The following HOGA1 variants were observed in gnomAD, a reference collection of about 807,000 sequenced individuals.
HOGA1 encodes 4-hydroxy-2-oxoglutarate aldolase 1.
HOGA1 carries 30 observed loss-of-function variants against 34.3 expected under a neutral mutation model. The observed-to-expected ratio is 0.87, with a 90% CI of 0.65 to 1.19. The LOEUF (loss-of-function observed/expected upper bound fraction) is 1.19. HOGA1 is among the 50% of genes most tolerant of loss of function. The pLI is 0.00. For missense variants in HOGA1, 417 were observed against 436.5 expected (o/e 0.96, Z 0.40); for synonymous variants, 161 against 174.0 (o/e 0.93, Z 0.59).
chr10:97,597,174 T>C (rs903087733), intron 1 of HOGA1, among the ~76,000 whole-genome samples: 1 of 151,642 alleles, frequency 6.6e-6, no homozygotes, highest in African/African-American at 2.4e-5. Flanking sequence ...GGCACAATCA[T>C]AGTTCACTGC....
At chr10:97,591,685 C>T (rs1470303558) in intron 1 of HOGA1, among the ~76,000 whole-genome samples, 1 of 151,748 alleles carries the variant, frequency 6.6e-6, no homozygotes, top group African/African-American at 2.4e-5. Context: ...AGTGCAGAGG[C>T]GTGATCACGG....
At chr10:97,589,162 A>G (rs2040997362) in intron 1 of HOGA1, among the ~76,000 whole-genome samples, 2 of 152,128 alleles carry the variant, frequency 1.3e-5, no homozygotes, top group South Asian at 4.2e-4. Flanking sequence ...CTCCACCCTC[A>G]GCCCATTGTG....
chr10:97,601,067 G>T (rs966948416), intron 5 of HOGA1: 3 of 153,154 alleles, frequency 2.0e-5, no homozygotes, highest in African/African-American at 7.2e-5. Flanking sequence ...TCTACTCTGT[G>T]TACAGAGGGA....
chr10:97,609,231 A>T (rs766824598), intron 6 of HOGA1, among the ~76,000 whole-genome samples: 1 of 152,126 alleles, frequency 6.6e-6, no homozygotes, highest in Non-Finnish European at 1.5e-5. Flanking sequence ...AGGTCCCAGA[A>T]CCCGCATGCC....
chr10:97,586,028 T>A (rs543959192), intron 1 of HOGA1, among the ~76,000 whole-genome samples: 1 of 151,622 alleles, frequency 6.6e-6, no homozygotes, highest in East Asian at 1.9e-4. Context: ...TCCCAGCTAC[T>A]CGGGAGACTG....
chr10:97,590,014 T>C (rs781445902), intron 1 of HOGA1: 5 of 1,614,060 alleles, frequency 3.1e-6, no homozygotes, highest in East Asian at 2.2e-5. Context: ...AATCCCACTT[T>C]AGCCGCCTTT....
intron 1 of HOGA1, among the ~76,000 whole-genome samples, chr10:97,597,271 T>G (rs2041078763): frequency 6.6e-6 from 1 of 152,118 alleles, no homozygotes; most frequent in African/African-American, 2.4e-5. Flanking sequence ...CTCGAACTTC[T>G]GGCCTCAAGT....
chr10:97,594,884 C>T (rs758051416), intron 1 of HOGA1, among the ~76,000 whole-genome samples: 18 of 152,074 alleles, frequency 1.2e-4, no homozygotes, highest in Non-Finnish European at 1.9e-4. Flanking sequence ...TTCTAGGGAC[C>T]TTTGTAGATG....
At chr10:97,595,271 A>C (rs2041059956) in intron 1 of HOGA1, among the ~76,000 whole-genome samples, 1 of 152,176 alleles carries the variant, frequency 6.6e-6, no homozygotes, top group South Asian at 2.1e-4. Context: ...CTCCCCTTCA[A>C]CACCAGCCAC....
At position 97,584,525 on chromosome 10, in the gene HOGA1, C is replaced by T; in HGVS notation, c.-179C>T. 5 of 622,092 alleles carry T rather than the reference C, an allele frequency of 8.0e-6. No homozygotes were observed. Among genetic ancestry groups the T allele is most frequent in the Non-Finnish European group, 1.4e-5 (5 of 352,120 alleles). The allele number at this position is 622,092 out of a possible 1,614,324, so 38.5% of individuals were successfully genotyped here. Reference sequence around the variant, plus strand: ...CAGAAGGAACAGGGCCCCCTGGGGCCTATAGGCCTTGCCCCTGACCCTGGG... The same window carrying T: ...CAGAAGGAACAGGGCCCCCTGGGGCTTATAGGCCTTGCCCCTGACCCTGGG... On this transcript the variant is annotated 5_prime_UTR_variant, in exon 1 of 7. Transcript: ENST00000370646.
Position 97,602,884 on chromosome 10 carries a change from G to A in HOGA1, c.834+894G>A, listed in dbSNP as rs577257811. 9.2e-5 allele frequency among the ~76,000 whole-genome samples: 14 copies of A among 152,290 alleles called. No individual in the cohort carries two copies. The South Asian group carries it at 2.9e-3, about 32-fold the overall frequency. On this transcript the variant is annotated intron_variant, in intron 6 of 6. Coordinates refer to ENST00000370646, the MANE Select transcript of HOGA1 (RefSeq NM_138413.4). ...GTTTTCATTTTTCAGTAGAGATGGGGTTTCACCATATTGGCTATGCTGGTC... is the reference window on the plus strand; with the variant it reads ...GTTTTCATTTTTCAGTAGAGATGGGATTTCACCATATTGGCTATGCTGGTC...
At chr10:97,597,825 G>A (rs1255794070) in intron 1 of HOGA1, among the ~76,000 whole-genome samples, 1 of 152,160 alleles carries the variant, frequency 6.6e-6, no homozygotes, top group Non-Finnish European at 1.5e-5. Context: ...GGGCATGGTA[G>A]CTCATGCCTG....
In HOGA1 at chr10:97,598,730, T is replaced by C. The variant is rs562249581; in HGVS notation, c.212-45T>C. On this transcript the variant is annotated intron_variant, in intron 1 of 6. Coordinates refer to ENST00000370646, the MANE Select transcript of HOGA1 (RefSeq NM_138413.4). ...GGTAGGAACACCAATGTCCTAGTTG[T>C]TCGGTAGAGGATGGGAAGGAGTTAG... The C allele has an allele frequency of 9.7e-5, 156 of 1,613,382 alleles. No homozygotes were observed. In the East Asian group the frequency reaches 2.5e-3, roughly 25 times the overall value.
At chr10:97,601,653 C>A (rs1179305994) in intron 5 of HOGA1, among the ~76,000 whole-genome samples, 3 of 152,168 alleles carry the variant, frequency 2.0e-5, no homozygotes, top group Non-Finnish European at 4.4e-5. Flanking sequence ...GCTTGACCTG[C>A]GGGATTCTAT....
chr10:97,589,453 G>C lies in HOGA1; in HGVS notation c.211+4539G>C, dbSNP rs752254468. ...AAACCAAAGACTGGAAGATACAAAGGCCTAAGTTGTAGAATGGATTCCAAG... is the reference window on the plus strand; with the variant it reads ...AAACCAAAGACTGGAAGATACAAAGCCCTAAGTTGTAGAATGGATTCCAAG... On this transcript the variant is annotated intron_variant, in intron 1 of 6. Transcript: ENST00000370646. Among the ~76,000 whole-genome samples, 57 of 151,736 alleles carry C rather than the reference G, an allele frequency of 3.8e-4. No homozygotes were observed. The Middle Eastern group carries it at 0.017, about 45-fold the overall frequency.
In HOGA1 at chr10:97,594,326, C is replaced by CCT. The variant is rs1443112256; in HGVS notation, c.212-4447_212-4446dup. Among the ~76,000 whole-genome samples, 4 of 151,710 alleles carry CCT rather than the reference C, an allele frequency of 2.6e-5. No homozygotes were observed. The East Asian group carries it at 7.7e-4, about 29-fold the overall frequency. ...GAGTAGCTGGGATTACAGGTGCGCG[C>CCT]CTCCATGCTTGGCTAATTTTTGATT... On this transcript the variant is annotated intron_variant, in intron 1 of 6. Transcript: ENST00000370646.
At chr10:97,590,304 C>A (rs2041009480) in intron 1 of HOGA1, 2 of 1,613,712 alleles carry the variant, frequency 1.2e-6, no homozygotes, top group South Asian at 2.2e-5. Flanking sequence ...GAGATTGACA[C>A]CCAGGGGCGG....
Position 97,601,880 on chromosome 10 carries a change from C to G in HOGA1, c.724C>G (p.Leu242Val), listed in dbSNP as rs1376364362. 9 of 1,612,402 alleles carry G rather than the reference C, an allele frequency of 5.6e-6. No individual in the cohort carries two copies. Among genetic ancestry groups the G allele is most frequent in the Non-Finnish European group, 6.8e-6 (8 of 1,180,030 alleles). Residue 242 changes from leucine to valine, a missense_variant, in exon 6 of 7, where the codon CTG becomes GTG. Coordinates refer to ENST00000370646, the MANE Select transcript of HOGA1 (RefSeq NM_138413.4). Reference protein sequence around the residue: ...ALGAVGGVCALANVLGAQVCQ... With the variant: ...ALGAVGGVCAVANVLGAQVCQ... ...AGGAGCTGTGGGGGGCGTCTGCGCC[C>G]TGGCCAATGTCCTGGGGGCTCAGGT... is the stretch of plus-strand genomic sequence containing the variant.
chr10:97,602,165 G>A (rs572654531), intron 6 of HOGA1, 175 bp downstream of exon 6: 38 of 1,548,678 alleles, frequency 2.5e-5, no homozygotes, highest in Admixed American at 1.6e-4. Context: ...TCCTGACTTC[G>A]GACAAAGTCG....
Sources: gnomAD v4.1 joint callset for allele counts (sites outside exome capture counted in the v4.1 genomes callset) on GRCh38, gnomAD v4.1.1 for gene constraint, MANE v1.5 for transcripts, NCBI Gene and HGNC (gene_info 2026-07-23, HGNC 2026-07-21) for gene names.